CA10: variants seen among roughly 807,000 people sequenced by gnomAD.
CA10 encodes the protein carbonic anhydrase-related protein 10.
Under a neutral mutation model 44.2 loss-of-function variants are expected in CA10, and 14 were observed. The observed-to-expected ratio is 0.32, with a 90% CI of 0.21 to 0.50. The LOEUF is 0.50. CA10 is among the 20% of genes least tolerant of loss of function. CA10 has a pLI of 0.99. For missense variants in CA10, 350 were observed against 409.7 expected (o/e 0.85, Z 1.26); for synonymous variants, 159 against 141.6 (o/e 1.12, Z -0.87).
chr17:51,643,347 A>G (rs1913178007), intron 6 of CA10, among the ~76,000 whole-genome samples: 1 of 152,234 alleles, frequency 6.6e-6, no homozygotes, highest in Admixed American at 6.5e-5. Flanking sequence ...AAATACTTCA[A>G]GTAAATTACC....
intron 1 of CA10, among the ~76,000 whole-genome samples, chr17:52,125,115 G>A (rs1444818685): frequency 2.0e-5 from 3 of 152,164 alleles, no homozygotes; most frequent in Non-Finnish European, 4.4e-5. Flanking sequence ...TTTCAACTTG[G>A]TGTTTGTGAG....
chr17:51,695,350 T>C (rs1357287690), intron 4 of CA10, among the ~76,000 whole-genome samples: 1 of 152,108 alleles, frequency 6.6e-6, no homozygotes, highest in African/African-American at 2.4e-5. Flanking sequence ...TGTTTTGTTT[T>C]TGTTTTTGTA....
intron 3 of CA10, among the ~76,000 whole-genome samples, chr17:51,915,977 A>G (rs1044406526): frequency 7.2e-5 from 11 of 152,078 alleles, no homozygotes; most frequent in African/African-American, 2.4e-4. Context: ...AAAAAAAAAA[A>G]AACCTTACCT....
intron 4 of CA10, among the ~76,000 whole-genome samples, chr17:51,747,139 A>G (rs1904716968): frequency 6.6e-6 from 1 of 152,314 alleles, no homozygotes; most frequent in South Asian, 2.1e-4. Context: ...GCACACAGTG[A>G]CGTTTCCATT....
At chr17:51,637,017 AT>A (rs898134774) in intron 6 of CA10, among the ~76,000 whole-genome samples, 5 of 152,016 alleles carry the variant, frequency 3.3e-5, no homozygotes, top group South Asian at 2.1e-4. Flanking sequence ...TTTCCTGTTA[AT>A]TTTTTTAGTC....
chr17:51,965,297 C>T (rs550293204), intron 2 of CA10, among the ~76,000 whole-genome samples: 7 of 151,756 alleles, frequency 4.6e-5, no homozygotes, highest in East Asian at 3.9e-4. Context: ...AAATTCTACC[C>T]GACAAAGAAA....
intron 3 of CA10, among the ~76,000 whole-genome samples, chr17:51,814,170 T>C (rs185430415): frequency 1.3e-5 from 2 of 152,338 alleles, no homozygotes; most frequent in Admixed American, 6.5e-5. Flanking sequence ...TAACTCAACA[T>C]TGAAGTAAGG....
chr17:51,799,219 T>C (rs1906834394), intron 3 of CA10, among the ~76,000 whole-genome samples: 1 of 152,238 alleles, frequency 6.6e-6, no homozygotes, highest in African/African-American at 2.4e-5. Flanking sequence ...GACACTGTCT[T>C]ATATCAGTTA....
At chr17:51,721,055 C>T (rs898181301) in intron 4 of CA10, among the ~76,000 whole-genome samples, 1 of 152,086 alleles carries the variant, frequency 6.6e-6, no homozygotes, top group Non-Finnish European at 1.5e-5. Context: ...TTAGGCTGGG[C>T]GTGGTGGCTC....
At chr17:51,837,025 G>A (rs556470056) in intron 3 of CA10, among the ~76,000 whole-genome samples, 4 of 152,108 alleles carry the variant, frequency 2.6e-5, no homozygotes, top group African/African-American at 9.6e-5. Flanking sequence ...AATATTGTAT[G>A]AGCATTTATA....
At chr17:51,735,745 T>C (rs950385450) in intron 4 of CA10, among the ~76,000 whole-genome samples, 2 of 152,056 alleles carry the variant, frequency 1.3e-5, no homozygotes, top group African/African-American at 2.4e-5. Flanking sequence ...CTGATGGTCA[T>C]CCAAATCTAT....
intron 4 of CA10, among the ~76,000 whole-genome samples, chr17:51,665,996 G>A (rs906866850): frequency 6.6e-6 from 1 of 152,256 alleles, no homozygotes; most frequent in Non-Finnish European, 1.5e-5. Context: ...TGAATGTGCA[G>A]CTTAGTCCCA....
intron 4 of CA10, among the ~76,000 whole-genome samples, chr17:51,679,733 C>A (rs28405227): frequency 0.02 from 3,109 of 152,112 alleles, 106 homozygotes; most frequent in African/African-American, 0.071. Context: ...GCCTGTGTTC[C>A]TGGTCTGAGG....
At chr17:52,081,887 A>G (rs1377950199) in intron 1 of CA10, among the ~76,000 whole-genome samples, 1 of 152,008 alleles carries the variant, frequency 6.6e-6, no homozygotes. Context: ...ACTTCTCTCA[A>G]GGAAAACTCC....
intron 2 of CA10, among the ~76,000 whole-genome samples, chr17:52,009,937 A>T (rs1184330204): frequency 6.6e-6 from 1 of 152,046 alleles, no homozygotes; most frequent in Non-Finnish European, 1.5e-5. Context: ...AAAGTGGGCT[A>T]AGGACATGAA....
rs181213991 is a variant in CA10, at chr17:52,061,900, A to G, written c.136+10419T>C. Among the ~76,000 whole-genome samples, 203 of 152,222 alleles carry G rather than the reference A, an allele frequency of 1.3e-3. 1 individual carries two copies. The highest frequency in any genetic ancestry group is 4.5e-3 in the African/African-American group (189 of 41,540). ...GGAAACTAATACAATTACTTTAACTATCACTTAATTGGGATGTATTGAAGG... is the reference window on the plus strand; with the variant it reads ...GGAAACTAATACAATTACTTTAACTGTCACTTAATTGGGATGTATTGAAGG... On this transcript the variant is annotated intron_variant, in intron 2 of 8. Transcript: ENST00000451037.
intron 6 of CA10, among the ~76,000 whole-genome samples, chr17:51,642,476 G>A (rs1913127349): frequency 6.6e-6 from 1 of 152,120 alleles, no homozygotes; most frequent in African/African-American, 2.4e-5. Context: ...CTGGGGGTTG[G>A]GGGAAGTAAA....
At chr17:52,133,243 GC>G (rs1989280001) in intron 1 of CA10, among the ~76,000 whole-genome samples, 1 of 152,208 alleles carries the variant, frequency 6.6e-6, no homozygotes, top group African/African-American at 2.4e-5. Flanking sequence ...TCTAAGGTAA[GC>G]CTTGGAGCCT....
At position 52,022,739 on chromosome 17, in the gene CA10, T is replaced by C. The variant is rs1300728266; in HGVS notation, c.136+49580A>G. Among the ~76,000 whole-genome samples, 3 of 152,032 alleles carry C rather than the reference T, an allele frequency of 2.0e-5. No individual in the cohort carries two copies. In the East Asian group the frequency reaches 5.8e-4, roughly 29 times the overall value. ...GACTCCATTTAAAGGCTCCTAAAACTGATAAACAACTTCAATAAAGTTTCA... is the reference window on the plus strand; with the variant it reads ...GACTCCATTTAAAGGCTCCTAAAACCGATAAACAACTTCAATAAAGTTTCA... On this transcript the variant is annotated intron_variant, in intron 2 of 8. Transcript: ENST00000451037.
Sources: allele counts gnomAD v4.1 joint callset (sites outside exome capture counted in the v4.1 genomes callset), GRCh38; gene constraint gnomAD v4.1.1; transcripts MANE v1.5; gene names NCBI Gene and HGNC (gene_info 2026-07-23, HGNC 2026-07-21).